AARS1: variants seen among roughly 807,000 people sequenced by gnomAD.
The protein encoded by AARS1 is alanine--tRNA ligase, cytoplasmic.
Under a neutral mutation model 108.9 loss-of-function variants are expected in AARS1, and 72 were observed. The observed-to-expected ratio is 0.66, with a 90% CI of 0.55 to 0.80. The LOEUF (loss-of-function observed/expected upper bound fraction) is 0.80. Ranked by LOEUF, AARS1 falls within the 30% of genes least tolerant of loss-of-function variation. AARS1 has a pLI of 0.00. For missense variants in AARS1, 1,193 were observed against 1,233.2 expected, an observed-to-expected ratio of 0.97 and a Z score of 0.49; for synonymous variants, 489 against 465.7, an observed-to-expected ratio of 1.05 and a Z score of -0.64.
intron 1 of AARS1, among the ~76,000 whole-genome samples, chr16:70,285,227 T>TAA (rs541642359): frequency 4.1e-4 from 55 of 133,872 alleles, no homozygotes; most frequent in African/African-American, 7.0e-4. Context: ...AGACTCCGTC[T>TAA]AAAAAAAAAA....
chr16:70,259,613 G>C (rs1316624103), intron 13 of AARS1, among the ~76,000 whole-genome samples: 1 of 151,974 alleles, frequency 6.6e-6, no homozygotes, highest in Non-Finnish European at 1.5e-5. Context: ...CTCCCAAGTA[G>C]CTGGGACTAC....
At chr16:70,284,054 G>A (rs994052514) in intron 1 of AARS1, among the ~76,000 whole-genome samples, 1 of 151,998 alleles carries the variant, frequency 6.6e-6, no homozygotes, top group African/African-American at 2.4e-5. Context: ...AGTACAAATA[G>A]TAAAAAAATT....
intron 1 of AARS1, among the ~76,000 whole-genome samples, chr16:70,284,813 C>T (rs570802593): frequency 1.3e-5 from 2 of 152,236 alleles, no homozygotes; most frequent in South Asian, 2.1e-4. Flanking sequence ...CCAACCGTAA[C>T]CTTAATTCAC....
chr16:70,289,379 G>A (rs1412684122), intron 1 of AARS1, 42 bp downstream of exon 1: 1 of 355,278 alleles, frequency 2.8e-6, no homozygotes, highest in African/African-American at 2.1e-5. Context: ...TGCGGGCCCA[G>A]CCGCTCTCCT....
rs868097991 is a variant in AARS1, at chr16:70,268,345, G to A, written c.997C>T (p.Arg333Ter). The stretch of plus-strand genomic sequence containing the variant: ...GCATTGAGCTTTTCATGGGCGTATC[G>A]GACAGCTCGGCGGAGAATCCGTCTC... ...VLRRILRRAV[R>*]YAHEKLNASR... is the part of the protein sequence containing the mutation. The change falls in exon 8 of 21, where the codon CGA becomes TGA. Residue 333 changes from arginine to a stop codon, truncating the protein, a stop_gained. Coordinates refer to ENST00000261772, the MANE Select transcript of AARS1 (RefSeq NM_001605.3). LOFTEE classifies it high-confidence loss of function. 5 of 1,614,092 alleles carry A rather than the reference G, an allele frequency of 3.1e-6. No homozygotes were observed. The highest frequency in any genetic ancestry group is 1.7e-5 in the Admixed American group (1 of 60,004).
At chr16:70,255,899 A>C in intron 15 of AARS1, 63 bp from the exon 16 acceptor site, 1 of 1,438,946 alleles carries the variant, frequency 6.9e-7, no homozygotes, top group East Asian at 2.4e-5. Context: ...CTGGGGGGTC[A>C]CACTAGCGGA....
At chr16:70,272,303 G>A (rs925508165) in intron 4 of AARS1, among the ~76,000 whole-genome samples, 1 of 151,774 alleles carries the variant, frequency 6.6e-6, no homozygotes, top group Non-Finnish European at 1.5e-5. Context: ...TTGGGAGTTT[G>A]AGACCAGCCT....
At chr16:70,267,550 T>C (rs949655680) in intron 9 of AARS1, 109 bp downstream of exon 9, 1 of 1,365,556 alleles carries the variant, frequency 7.3e-7, no homozygotes, top group Non-Finnish European at 1.0e-6. Flanking sequence ...AATCAAGCTA[T>C]GTTCAGCCTC....
At chr16:70,265,201 G>T (rs373657327) in intron 10 of AARS1, 99 bp from the exon 11 acceptor site, 1 of 1,472,168 alleles carries the variant, frequency 6.8e-7, no homozygotes, top group Non-Finnish European at 9.5e-7. Flanking sequence ...TAAACTGCCA[G>T]AACAGGGTTT....
chr16:70,263,941 TCTTAA>T (rs1424782424), intron 11 of AARS1, among the ~76,000 whole-genome samples: 1 of 152,046 alleles, frequency 6.6e-6, no homozygotes, highest in Non-Finnish European at 1.5e-5. Context: ...TGGCTTTGTT[TCTTAA>T]CTTTAGAATA....
Position 70,252,612 on chromosome 16 carries a change from C to T in AARS1, c.*109G>A. On this transcript the variant is annotated 3_prime_UTR_variant, in exon 21 of 21. Coordinates refer to ENST00000261772, the MANE Select transcript of AARS1 (RefSeq NM_001605.3). The stretch of plus-strand genomic sequence containing the variant: ...GCTCCCAAGTGTGTTCCAGTTACTG[C>T]TGGGTTAGGAGGGGCTCTTTAAAGG... 1.6e-6 allele frequency: 2 copies of T among 1,270,314 alleles called. No individual in the cohort carries two copies. The highest frequency in any genetic ancestry group is 1.1e-6 in the Non-Finnish European group (1 of 883,734). The allele number at this position is 1,270,314 out of a possible 1,614,324, so 78.7% of individuals were successfully genotyped here. A position where few individuals can be genotyped will look rare whatever the true frequency, so the allele number is the denominator to read the frequency against.
At chr16:70,275,308 A>C (rs1190903797) in intron 4 of AARS1, among the ~76,000 whole-genome samples, 2 of 151,322 alleles carry the variant, frequency 1.3e-5, no homozygotes, top group Non-Finnish European at 2.9e-5. Context: ...ACATATTAAG[A>C]AGCAACGAAT....
intron 1 of AARS1, among the ~76,000 whole-genome samples, chr16:70,288,016 C>A (rs981854763): frequency 2.6e-5 from 4 of 151,908 alleles, no homozygotes; most frequent in Admixed American, 6.6e-5. Flanking sequence ...CTGCCCGCCT[C>A]GGCCTCCCAA....
intron 15 of AARS1, among the ~76,000 whole-genome samples, chr16:70,257,163 C>T (rs543873528): frequency 6.6e-6 from 1 of 152,024 alleles, no homozygotes; most frequent in South Asian, 2.1e-4. Flanking sequence ...GCAGGAGACT[C>T]GCTTGAACCC....
At chr16:70,262,284 A>C in intron 12 of AARS1, 62 bp downstream of exon 12, 1 of 1,604,842 alleles carries the variant, frequency 6.2e-7, no homozygotes, top group Non-Finnish European at 8.5e-7. Flanking sequence ...TGTGGGGCAA[A>C]AGCAGCTCCC....
At position 70,253,470 on chromosome 16, in the gene AARS1, C is replaced by A. The variant is rs1032864452; in HGVS notation, c.2608-89G>T. On this transcript the variant is annotated intron_variant, in intron 19 of 20. Coordinates refer to ENST00000261772, the MANE Select transcript of AARS1 (RefSeq NM_001605.3). Reference sequence around the variant, plus strand: ...TGCAGCCCTCAGAAGGCCTGCCACCCACCCCTACCCCTTCCCAGAGCAGGG... The same window carrying A: ...TGCAGCCCTCAGAAGGCCTGCCACCAACCCCTACCCCTTCCCAGAGCAGGG... 5 of 1,163,356 alleles carry A rather than the reference C, an allele frequency of 4.3e-6. No homozygotes were observed. In the African/African-American group the frequency reaches 4.5e-5, roughly 11 times the overall value. 72.1% of individuals were successfully genotyped at this position (1,163,356 alleles called of 1,614,324 possible). A position where few individuals can be genotyped will look rare whatever the true frequency, so the allele number is the denominator to read the frequency against.
chr16:70,275,733 A>T (rs995573237), intron 4 of AARS1, among the ~76,000 whole-genome samples: 6 of 151,778 alleles, frequency 4.0e-5, no homozygotes, highest in Non-Finnish European at 8.8e-5. Flanking sequence ...ACTGCACTCC[A>T]GCCTGGGTGA....
In AARS1 at chr16:70,265,425, G is replaced by C. The variant is rs544643841; in HGVS notation, c.1347+113C>G. 62 of 1,514,700 alleles carry C rather than the reference G, an allele frequency of 4.1e-5. No homozygotes were observed. The African/African-American group carries it at 8.0e-4, about 20-fold the overall frequency. The allele number at this position is 1,514,700 out of a possible 1,614,324, so 93.8% of individuals were successfully genotyped here. On this transcript the variant is annotated intron_variant, in intron 10 of 20. Transcript: ENST00000261772. ...CCCCCACTTGAGAACCACTGATCTA[G>C]GGGAAAAAGCACTTCAAAGACTTTA...
intron 1 of AARS1, among the ~76,000 whole-genome samples, chr16:70,286,630 G>A (rs1293273088): frequency 6.6e-6 from 1 of 151,762 alleles, no homozygotes; most frequent in Non-Finnish European, 1.5e-5. Context: ...AAGGTCAGGA[G>A]ATCAAGACCA....
Sources: gnomAD v4.1 joint callset for allele counts (sites outside exome capture counted in the v4.1 genomes callset) on GRCh38, gnomAD v4.1.1 for gene constraint, MANE v1.5 for transcripts, NCBI Gene and HGNC (gene_info 2026-07-23, HGNC 2026-07-21) for gene names.